EPHB1: variants seen among roughly 807,000 people sequenced by gnomAD.
EPHB1 encodes EPH receptor B1.
Under a neutral mutation model 94.4 loss-of-function variants are expected in EPHB1, and 30 were observed. The observed-to-expected ratio is 0.32, with a 90% CI of 0.24 to 0.43. EPHB1 has a LOEUF of 0.43. Ranked by LOEUF, EPHB1 falls within the 20% of genes least tolerant of loss-of-function variation. The pLI is 1.00. For missense variants in EPHB1, 1,055 were observed against 1,308.3 expected, an observed-to-expected ratio of 0.81 and a Z score of 2.99; for synonymous variants, 522 against 489.1, an observed-to-expected ratio of 1.07 and a Z score of -0.89.
chr3:135,136,454 T>G (rs1940622225), intron 5 of EPHB1, among the ~76,000 whole-genome samples: 1 of 152,218 alleles, frequency 6.6e-6, no homozygotes, highest in African/African-American at 2.4e-5. Flanking sequence ...GCACCTCCAA[T>G]GTGCCAACCC....
chr3:135,100,984 C>T (rs547951149), intron 3 of EPHB1, among the ~76,000 whole-genome samples: 8 of 152,186 alleles, frequency 5.3e-5, no homozygotes, highest in African/African-American at 1.7e-4. Flanking sequence ...CAAAAAGCCT[C>T]GGCTATGCAA....
At chr3:134,855,049 C>A (rs1371813620) in intron 1 of EPHB1, among the ~76,000 whole-genome samples, 2 of 152,136 alleles carry the variant, frequency 1.3e-5, no homozygotes, top group African/African-American at 4.8e-5. Flanking sequence ...TATACACATG[C>A]GCACTCACAA....
At chr3:135,242,715 T>A (rs571676028) in intron 13 of EPHB1, among the ~76,000 whole-genome samples, 12 of 152,262 alleles carry the variant, frequency 7.9e-5, no homozygotes, top group African/African-American at 2.9e-4. Context: ...CAAAGCCTGC[T>A]TTTATGAAAT....
At chr3:135,168,411 T>C (rs1941709037) in intron 9 of EPHB1, among the ~76,000 whole-genome samples, 1 of 152,238 alleles carries the variant, frequency 6.6e-6, no homozygotes, top group Non-Finnish European at 1.5e-5. Context: ...ACCCTGTTAC[T>C]CCATTGTCAC....
chr3:135,195,008 A>G (rs1347952892), intron 11 of EPHB1, among the ~76,000 whole-genome samples: 2 of 152,178 alleles, frequency 1.3e-5, no homozygotes, highest in Non-Finnish European at 2.9e-5. Flanking sequence ...GGGGACATTC[A>G]TTTATTATCA....
chr3:134,800,900 T>C (rs1215357650), intron 1 of EPHB1, among the ~76,000 whole-genome samples: 2 of 152,362 alleles, frequency 1.3e-5, no homozygotes, highest in African/African-American at 4.8e-5. Context: ...TTAAGTAATT[T>C]GATAAGGTCA....
intron 1 of EPHB1, among the ~76,000 whole-genome samples, chr3:134,844,114 T>C (rs1005796431): frequency 1.3e-5 from 2 of 152,262 alleles, no homozygotes; most frequent in Non-Finnish European, 2.9e-5. Flanking sequence ...ATGTCTTCTC[T>C]ATGGTATATG....
chr3:135,001,763 A>G (rs1935189949), intron 3 of EPHB1, among the ~76,000 whole-genome samples: 1 of 151,976 alleles, frequency 6.6e-6, no homozygotes, highest in Non-Finnish European at 1.5e-5. Context: ...CTTTCCTCAT[A>G]ATGTATCTTA....
chr3:134,895,692 G>C (rs988208983), intron 1 of EPHB1, among the ~76,000 whole-genome samples: 8 of 152,138 alleles, frequency 5.3e-5, no homozygotes, highest in Admixed American at 4.6e-4. Flanking sequence ...GCTCTAAGAG[G>C]AAAAGCCACC....
intron 1 of EPHB1, among the ~76,000 whole-genome samples, chr3:134,882,280 A>G (rs1007939201): frequency 2.6e-5 from 4 of 152,190 alleles, no homozygotes; most frequent in Non-Finnish European, 4.4e-5. Context: ...TAAAAGAAAA[A>G]CTTGTCAGAA....
intron 1 of EPHB1, among the ~76,000 whole-genome samples, chr3:134,804,141 T>C (rs538684219): frequency 2.4e-5 from 3 of 123,338 alleles, no homozygotes; most frequent in African/African-American, 9.2e-5. Flanking sequence ...TTCATGCTGT[T>C]GCTAAAGACA....
intron 3 of EPHB1, among the ~76,000 whole-genome samples, chr3:135,104,255 G>A (rs941801885): frequency 6.6e-6 from 1 of 152,208 alleles, no homozygotes. Context: ...CACAGGAGAT[G>A]AGGAGAGATA....
At chr3:135,032,277 GA>G (rs1936500630) in intron 3 of EPHB1, among the ~76,000 whole-genome samples, 1 of 128,950 alleles carries the variant, frequency 7.8e-6, no homozygotes, top group Non-Finnish European at 1.7e-5. Context: ...TTCTATCTCT[GA>G]TTTTTTTTTT....
At chr3:135,211,321 G>A (rs1943028606) in intron 12 of EPHB1, among the ~76,000 whole-genome samples, 1 of 152,138 alleles carries the variant, frequency 6.6e-6, no homozygotes, top group Non-Finnish European at 1.5e-5. Context: ...AAACAGCCAT[G>A]TGTATTTTAA....
intron 4 of EPHB1, among the ~76,000 whole-genome samples, chr3:135,117,415 TAAAA>T (rs1939761705): frequency 6.6e-6 from 1 of 152,236 alleles, no homozygotes; most frequent in Non-Finnish European, 1.5e-5. Context: ...GCTGTGGGCT[TAAAA>T]TCTGGACTTT....
chr3:135,074,235 A>G (rs181091371), intron 3 of EPHB1, among the ~76,000 whole-genome samples: 3 of 152,368 alleles, frequency 2.0e-5, no homozygotes, highest in East Asian at 3.9e-4. Context: ...GTTGTTCTCT[A>G]CATTCTCCAA....
intron 3 of EPHB1, among the ~76,000 whole-genome samples, chr3:135,074,689 G>C (rs1314373250): frequency 2.0e-5 from 3 of 152,194 alleles, no homozygotes; most frequent in Non-Finnish European, 4.4e-5. Flanking sequence ...TCTATACTGT[G>C]GCTTTGGGCC....
intron 2 of EPHB1, among the ~76,000 whole-genome samples, chr3:134,929,071 C>A (rs1373373569): frequency 2.6e-5 from 4 of 152,134 alleles, no homozygotes; most frequent in Non-Finnish European, 5.9e-5. Context: ...GTAGAGACAG[C>A]AGTTGGTAAG....
At chr3:134,960,252 T>C (rs1185722561) in intron 3 of EPHB1, among the ~76,000 whole-genome samples, 1 of 151,960 alleles carries the variant, frequency 6.6e-6, no homozygotes, top group East Asian at 1.9e-4. Context: ...TTGAGGGCTG[T>C]TGCAAATGGA....
Sources: allele counts gnomAD v4.1 joint callset (sites outside exome capture counted in the v4.1 genomes callset), GRCh38; gene constraint gnomAD v4.1.1; transcripts MANE v1.5; gene names NCBI Gene and HGNC (gene_info 2026-07-23, HGNC 2026-07-21).